GABRR1: variants seen among roughly 807,000 people sequenced by gnomAD.
GABRR1 encodes gamma-aminobutyric acid receptor subunit rho-1.
A neutral mutation model predicts 55.5 loss-of-function variants in GABRR1; 59 were observed. The ratio of observed to expected loss-of-function variants is 1.06; its 90% CI spans 0.86 to 1.32. The LOEUF (loss-of-function observed/expected upper bound fraction) is 1.32, where lower values mean the gene tolerates loss of function less well. Among genes scored for constraint, GABRR1 ranks in the 40% most tolerant of loss-of-function variants. The pLI, the probability that GABRR1 is intolerant of heterozygous loss-of-function variation, is 0.00. For missense variants in GABRR1, 602 were observed against 619.1 expected (o/e 0.97, Z 0.29); for synonymous variants, 213 against 226.0 (o/e 0.94, Z 0.51).
chr6:89,192,867 C>T (rs2127795565), intron 5 of GABRR1, among the ~76,000 whole-genome samples: 1 of 152,292 alleles, frequency 6.6e-6, no homozygotes, highest in Non-Finnish European at 1.5e-5. Context: ...GCCTCATTGA[C>T]TCTTTTATAT....
chr6:89,210,052 G>C (rs1423279402), intron 1 of GABRR1, among the ~76,000 whole-genome samples: 1 of 151,990 alleles, frequency 6.6e-6, no homozygotes, highest in Non-Finnish European at 1.5e-5. Context: ...GGAAACATGG[G>C]GTCTGTGGGA....
upstream of GABRR1, among the ~76,000 whole-genome samples, chr6:89,217,931 G>T (rs1287091903): frequency 6.6e-6 from 1 of 152,100 alleles, no homozygotes; most frequent in African/African-American, 2.4e-5. Context: ...TCTTTGTTTG[G>T]CGCAGAAACA....
chr6:89,196,198 A>G (rs1474970912), intron 5 of GABRR1, among the ~76,000 whole-genome samples: 2 of 152,228 alleles, frequency 1.3e-5, no homozygotes, highest in South Asian at 4.1e-4. Flanking sequence ...AATTATAAAA[A>G]CTTATAGTGG....
chr6:89,182,469 T>G (rs1771759291), intron 7 of GABRR1, among the ~76,000 whole-genome samples: 1 of 152,096 alleles, frequency 6.6e-6, no homozygotes, highest in African/African-American at 2.4e-5. Flanking sequence ...TTAAATTTTT[T>G]GGTAGAGACT....
At chr6:89,181,669 C>T (rs901126302) in intron 8 of GABRR1, among the ~76,000 whole-genome samples, 20 of 152,200 alleles carry the variant, frequency 1.3e-4, no homozygotes, top group Non-Finnish European at 1.9e-4. Flanking sequence ...AACACGGCTT[C>T]GACAAGACTA....
chr6:89,214,784 G>A (rs899400857), intron 1 of GABRR1, among the ~76,000 whole-genome samples: 14 of 152,112 alleles, frequency 9.2e-5, no homozygotes, highest in African/African-American at 2.7e-4. Context: ...TGGCACTTTC[G>A]GAGGCCAAGG....
chr6:89,207,090 T>C (rs887324498), intron 1 of GABRR1, among the ~76,000 whole-genome samples: 18 of 152,172 alleles, frequency 1.2e-4, no homozygotes, highest in South Asian at 2.1e-4. Flanking sequence ...TCAAGAGACA[T>C]GGTAAAGACA....
intron 4 of GABRR1, among the ~76,000 whole-genome samples, 186 bp downstream of exon 4, chr6:89,199,176 T>TG (rs1772388524): frequency 6.6e-6 from 1 of 152,172 alleles, no homozygotes; most frequent in Non-Finnish European, 1.5e-5. Context: ...GCTTGTTATC[T>TG]GGCTCTGTTT....
chr6:89,210,107 C>T (rs12216134), intron 1 of GABRR1, among the ~76,000 whole-genome samples: 2 of 151,056 alleles, frequency 1.3e-5, no homozygotes, highest in Non-Finnish European at 1.5e-5. Flanking sequence ...TTTGTGTACC[C>T]TTTTGGGCCT....
At position 89,179,026 on chromosome 6, in the gene GABRR1, G is replaced by A. The variant is rs202214989; in HGVS notation, c.1184C>T (p.Ala395Val). 4.3e-6 allele frequency: 7 copies of A among 1,614,090 alleles called. No homozygotes were observed. The highest frequency in any genetic ancestry group is 2.2e-5 in the South Asian group (2 of 91,086). Reference sequence around the variant, plus strand: ...ATCACTGTAGTTGCCGTCCAGCATCGCAGTGCGGGGCGGAGGTAATCCGCT... The same window carrying A: ...ATCACTGTAGTTGCCGTCCAGCATCACAGTGCGGGGCGGAGGTAATCCGCT... ...CTSGLPPPRT[A>V]MLDGNYSDGE... Residue 395 changes from alanine to valine, a missense_variant, in exon 10 of 10, where the codon GCG (alanine) becomes GTG (valine). By Grantham distance (64) the Ala-to-Val change is moderately conservative. Transcript: ENST00000454853.
At chr6:89,201,856 G>C (rs1424160332) in intron 2 of GABRR1, among the ~76,000 whole-genome samples, 1 of 152,084 alleles carries the variant, frequency 6.6e-6, no homozygotes, top group African/African-American at 2.4e-5. Flanking sequence ...ATAGGGCCTG[G>C]TATTTTTAAA....
intron 1 of GABRR1, among the ~76,000 whole-genome samples, chr6:89,214,310 T>C (rs1393198345): frequency 2.2e-5 from 1 of 44,598 alleles, no homozygotes; most frequent in African/African-American, 1.2e-4. Context: ...GAGGAAAATA[T>C]AGGAGAAAAG....
chr6:89,200,454 AC>A (rs2127799822), intron 3 of GABRR1, among the ~76,000 whole-genome samples: 1 of 151,926 alleles, frequency 6.6e-6, no homozygotes, highest in East Asian at 1.9e-4. Flanking sequence ...TTACCATGTT[AC>A]CCAGGCTGGT....
At chr6:89,194,166 C>T (rs991423318) in intron 5 of GABRR1, among the ~76,000 whole-genome samples, 2 of 152,138 alleles carry the variant, frequency 1.3e-5, no homozygotes, top group Non-Finnish European at 2.9e-5. Flanking sequence ...TGTAACTTGA[C>T]CAAAGGAGAT....
Position 89,201,198 on chromosome 6 carries a change from T to A in GABRR1, c.241A>T (p.Ile81Leu). ...CTCATGCTGAAATCATGGTCATCTA[T>A]CCTCAGAAGCTGTTCTGACTTTGTC... ...PLTKSEQLLR[I>L]DDHDFSMRPG... The change falls in exon 3 of 10, where the codon ATA (isoleucine) becomes TTA (leucine). Residue 81 changes from isoleucine to leucine, a missense_variant. By Grantham distance (5) the Ile-to-Leu change is conservative. Coordinates refer to ENST00000454853, the MANE Select transcript of GABRR1 (RefSeq NM_002042.5). 1 of 1,614,170 alleles carries A rather than the reference T, an allele frequency of 6.2e-7. No homozygotes were observed. The highest frequency in any genetic ancestry group is 8.5e-7 in the Non-Finnish European group (1 of 1,179,990).
At chr6:89,196,875 G>GAAAGA (rs769520512) in intron 5 of GABRR1, among the ~76,000 whole-genome samples, 3,360 of 134,554 alleles carry the variant, frequency 0.025, 120 homozygotes, top group Middle Eastern at 0.043. Context: ...AAGAAAGAAA[G>GAAAGA]AAAGAGAAGA....
chr6:89,181,097 A>G (rs1175265037), intron 8 of GABRR1, among the ~76,000 whole-genome samples: 2 of 152,250 alleles, frequency 1.3e-5, no homozygotes, highest in African/African-American at 4.8e-5. Context: ...TAGAGTGTGT[A>G]GCTATTTAGC....
intron 5 of GABRR1, among the ~76,000 whole-genome samples, chr6:89,195,253 G>T (rs1772225791): frequency 6.6e-6 from 1 of 152,100 alleles, no homozygotes; most frequent in South Asian, 2.1e-4. Flanking sequence ...CTGAACTCAG[G>T]AGTTTGAGAC....
chr6:89,203,765 C>T (rs1235909857), intron 1 of GABRR1, among the ~76,000 whole-genome samples: 2 of 152,204 alleles, frequency 1.3e-5, no homozygotes, highest in Admixed American at 6.5e-5. Context: ...GTGAAATGGA[C>T]GCCATTCTTT....
Sources: gnomAD v4.1 joint callset for allele counts (sites outside exome capture counted in the v4.1 genomes callset) on GRCh38, gnomAD v4.1.1 for gene constraint, MANE v1.5 for transcripts, NCBI Gene and HGNC (gene_info 2026-07-23, HGNC 2026-07-21) for gene names.